Variants in JRK observed in about 807,000 individuals in gnomAD.
JRK encodes the protein jerky protein homolog.
For synonymous variants in JRK, 303 were observed against 218.1 expected (o/e 1.39, Z -3.43); for missense variants, 720 against 509.2 (o/e 1.41, Z -3.98).
In JRK at chr8:142,664,155, A is replaced by C; in HGVS notation, c.*197T>G. On this transcript the variant is annotated 3_prime_UTR_variant, in exon 2 of 2. Transcript: ENST00000612905. Reference sequence around the variant, plus strand: ...GGATGACACGGCAAGTGATAAAATAAAACCTGTATTGACAGGAACCTCGGG... The same window carrying C: ...GGATGACACGGCAAGTGATAAAATACAACCTGTATTGACAGGAACCTCGGG... The C allele has an allele frequency of 1.5e-6, 2 of 1,340,888 alleles. No individual in the cohort carries two copies. The highest frequency in any genetic ancestry group is 1.9e-6 in the Non-Finnish European group (2 of 1,048,746). The allele number at this position is 1,340,888 out of a possible 1,614,324, so 83.1% of individuals were successfully genotyped here. A position where few individuals can be genotyped will look rare whatever the true frequency, so the allele number is the denominator to read the frequency against.
At chr8:142,651,049 C>A in the JRK span, among the ~76,000 whole-genome samples, 84,354 of 151,732 alleles carry the variant, frequency 0.56, 24,578 homozygotes, top group Admixed American at 0.67. Flanking sequence ...TTAGGTCCCC[C>A]GTGCAGCAGA....
chr8:142,653,837 GC>G (rs375794130), downstream of JRK, among the ~76,000 whole-genome samples: 9 of 152,116 alleles, frequency 5.9e-5, no homozygotes, highest in Admixed American at 1.3e-4. Flanking sequence ...CCTAGGCCCT[GC>G]CCACCAAACT....
At position 142,666,377 on chromosome 8, in the gene JRK, TG is replaced by T. The variant is rs1453213925; in HGVS notation, c.-320del. 2 of 467,702 alleles carry T rather than the reference TG, an allele frequency of 4.3e-6. No individual in the cohort carries two copies. The highest frequency in any genetic ancestry group is 4.6e-5 in the East Asian group (1 of 21,902). 29.0% of individuals were successfully genotyped at this position (467,702 alleles called of 1,614,324 possible). ...ACTCCCCTCTGCTGCTCCACACGGC[TG>T]GAACTCCGGCCTTCTCTGTGGATAC... On this transcript the variant is annotated 5_prime_UTR_variant, in exon 2 of 2. Transcript: ENST00000612905.
In JRK at chr8:142,666,027, C is replaced by G; in HGVS notation, c.32G>C (p.Arg11Thr). The G allele has an allele frequency of 6.4e-7, 1 of 1,554,556 alleles. No homozygotes were observed. Among genetic ancestry groups the G allele is most frequent in the Non-Finnish European group, 8.9e-7 (1 of 1,126,892 alleles). ...CACCACCCTCTTCCGCTTCTCCCCT[C>G]TGCTCTTCCCGGCAGCCGGCTTGGA... The part of the protein sequence containing the change: MASKPAAGKS[R>T]GEKRKRVVLT... The change falls in exon 2 of 2, where the codon AGA becomes ACA. Residue 11 changes from arginine (R) to threonine (T), a missense_variant. Arg to Thr is a moderately conservative substitution (Grantham distance 71). Transcript: ENST00000612905.
At position 142,661,108 on chromosome 8, in the gene JRK, G is replaced by A. The variant is rs587596762; in HGVS notation, c.*3244C>T. On this transcript the variant is annotated 3_prime_UTR_variant, in exon 2 of 2. Transcript: ENST00000612905. ...CGCATGCTCAGCCATGGCTGAGCAC[G>A]AATGAAGCATATGGAAGTCACGCAC... The A allele has an allele frequency of 1.8e-4, 177 of 985,492 alleles. No homozygotes were observed. The African/African-American group carries it at 2.5e-3, about 14-fold the overall frequency. The allele number at this position is 985,492 out of a possible 1,614,324, so 61.0% of individuals were successfully genotyped here.
intron 1 of JRK, among the ~76,000 whole-genome samples, chr8:142,667,092 A>C (rs1847151387): frequency 1.3e-5 from 2 of 152,226 alleles, no homozygotes; most frequent in African/African-American, 2.4e-5. Flanking sequence ...ACAGAGCGCC[A>C]AACTGCCTCT....
Position 142,661,865 on chromosome 8 carries a change from G to C in JRK, c.*2487C>G. On this transcript the variant is annotated 3_prime_UTR_variant, in exon 2 of 2. Coordinates refer to ENST00000612905, the MANE Select transcript of JRK (RefSeq NM_003724.4). ...GTCAGGAAGTGAAAACAAAGTGCTCGGAGGACACGGCAGTCTCCATAAAGC... is the reference window on the plus strand; with the variant it reads ...GTCAGGAAGTGAAAACAAAGTGCTCCGAGGACACGGCAGTCTCCATAAAGC... 1.0e-6 allele frequency: 1 copy of C among 985,502 alleles called. No individual in the cohort carries two copies. Among genetic ancestry groups the C allele is most frequent in the Non-Finnish European group, 1.2e-6 (1 of 829,990 alleles). 61.0% of individuals were successfully genotyped at this position (985,502 alleles called of 1,614,324 possible).
In JRK at chr8:142,665,678, C is replaced by T. The variant is rs34800931; in HGVS notation, c.381G>A (p.Glu127=). 0.04 allele frequency: 29,026 copies of T among 729,360 alleles called. 682 individuals are homozygous for T. The highest frequency in any genetic ancestry group is 0.05 in the Non-Finnish European group (19,702 of 391,276). 45.2% of individuals were successfully genotyped at this position (729,360 alleles called of 1,614,324 possible). The change falls in exon 2 of 2, where the codon GAG becomes GAA. Residue 127 remains glutamate (E), a synonymous_variant. Coordinates refer to ENST00000612905, the MANE Select transcript of JRK (RefSeq NM_003724.4). ...GCCACCCTCCGGAGAACACGCAGGG[C>T]TCAGTGAGCTGCATCTGCTCGTAGA... is the stretch of plus-strand genomic sequence containing the variant. The part of the protein sequence containing the change: ...KDFYEQMQLT[E]PCVFSGGWLW...
the JRK span, among the ~76,000 whole-genome samples, chr8:142,649,785 C>T: frequency 0.018 from 2,689 of 152,336 alleles, 33 homozygotes; most frequent in Non-Finnish European, 0.029. Flanking sequence ...CCTCTGCTAG[C>T]ACAGTGTGGA....
chr8:142,661,153 T>C lies in JRK; in HGVS notation c.*3199A>G. On this transcript the variant is annotated 3_prime_UTR_variant, in exon 2 of 2. Coordinates refer to ENST00000612905, the MANE Select transcript of JRK (RefSeq NM_003724.4). Reference sequence around the variant, plus strand: ...ACGCACAGACAGGCCCAGGGCAAGGTCTGCTCTAGACCCTCCTATGCAGGA... The same window carrying C: ...ACGCACAGACAGGCCCAGGGCAAGGCCTGCTCTAGACCCTCCTATGCAGGA... 5 of 985,370 alleles carry C rather than the reference T, an allele frequency of 5.1e-6. No individual in the cohort carries two copies. The highest frequency in any genetic ancestry group is 6.0e-6 in the Non-Finnish European group (5 of 829,930). The allele number at this position is 985,370 out of a possible 1,614,324, so 61.0% of individuals were successfully genotyped here. A position where few individuals can be genotyped will look rare whatever the true frequency, so the allele number is the denominator to read the frequency against.
At chr8:142,666,825 G>A (rs970746577) in intron 1 of JRK, among the ~76,000 whole-genome samples, 3 of 152,190 alleles carry the variant, frequency 2.0e-5, no homozygotes, top group African/African-American at 4.8e-5. Flanking sequence ...CTGGGGAAGC[G>A]CTCAGGCAGA....
rs1846945099 is a variant in JRK, at chr8:142,662,407, C to T, written c.*1945G>A. The T allele has an allele frequency of 1.0e-6, 1 of 985,442 alleles. No homozygotes were observed. Among genetic ancestry groups the T allele is most frequent in the South Asian group, 4.7e-5 (1 of 21,276 alleles). 61.0% of individuals were successfully genotyped at this position (985,442 alleles called of 1,614,324 possible). Reference sequence around the variant, plus strand: ...GTTGCCTCAAGCAGCTGCAATCCAGCAGTCTTGGTTAAGAGGCTCTATTAG... The same window carrying T: ...GTTGCCTCAAGCAGCTGCAATCCAGTAGTCTTGGTTAAGAGGCTCTATTAG... On this transcript the variant is annotated 3_prime_UTR_variant, in exon 2 of 2. Transcript: ENST00000612905.
chr8:142,646,425 A>G, the JRK span, among the ~76,000 whole-genome samples: 3 of 152,202 alleles, frequency 2.0e-5, no homozygotes, highest in African/African-American at 7.2e-5. Context: ...TGCTAAATTC[A>G]AGATGTAGCT....
chr8:142,664,617 T>A lies in JRK; in HGVS notation c.1442A>T (p.Glu481Val). 1.9e-6 allele frequency: 3 copies of A among 1,610,646 alleles called. No individual in the cohort carries two copies. The highest frequency in any genetic ancestry group is 2.5e-6 in the Non-Finnish European group (3 of 1,179,268). ...CTGCTCCCAGGCCACCTCCTCGCCC[T>A]CACCAGGATCTCCTCTGCCGTCCTG... ...ADQDGRGDPGEGEEVAWEQAA... is the reference protein window; with the variant it reads ...ADQDGRGDPGVGEEVAWEQAA... Residue 481 changes from glutamate to valine, a missense_variant, in exon 2 of 2, where the codon GAG becomes GTG. Glu to Val is a moderately radical substitution (Grantham distance 121, BLOSUM62 -2). Coordinates refer to ENST00000612905, the MANE Select transcript of JRK (RefSeq NM_003724.4).
At chr8:142,669,163 AGTGTGTGTGTGTGTGTGTGTGTGT>A (rs59300327) in intron 1 of JRK, among the ~76,000 whole-genome samples, 20 of 136,122 alleles carry the variant, frequency 1.5e-4, no homozygotes, top group Non-Finnish European at 2.8e-4. Flanking sequence ...GCAGGGGCAT[AGTGTGTGTGTGTGTGTGTGTGTGT>A]GTGTGTGTGT....
chr8:142,658,707 C>CT lies in JRK; in HGVS notation c.*5644dup. The CT allele has an allele frequency of 7.2e-7, 1 of 1,384,568 alleles. No individual in the cohort carries two copies. The highest frequency in any genetic ancestry group is 9.5e-7 in the Non-Finnish European group (1 of 1,052,702). 85.8% of individuals were successfully genotyped at this position (1,384,568 alleles called of 1,614,324 possible). A position where few individuals can be genotyped will look rare whatever the true frequency, so the allele number is the denominator to read the frequency against. On this transcript the variant is annotated 3_prime_UTR_variant, in exon 2 of 2. Coordinates refer to ENST00000612905, the MANE Select transcript of JRK (RefSeq NM_003724.4). ...GGGGGTCAGGGTTTCAACATATAAA[C>CT]TTTGGGGGGGGACACAAACATGCAG...
intron 1 of JRK, among the ~76,000 whole-genome samples, chr8:142,669,191 T>TGTGC (rs1847236053): frequency 1.4e-5 from 1 of 72,196 alleles, no homozygotes; most frequent in African/African-American, 5.3e-5. Flanking sequence ...TGTGTGTGTG[T>TGTGC]GTGTGTGTGC....
downstream of JRK, among the ~76,000 whole-genome samples, chr8:142,652,879 T>C (rs955345629): frequency 1.3e-5 from 2 of 152,232 alleles, no homozygotes; most frequent in African/African-American, 4.8e-5. Context: ...ACGTCATTTC[T>C]AGGGTTCCAA....
Position 142,662,330 on chromosome 8 carries a change from C to G in JRK, c.*2022G>C. 1 of 985,642 alleles carries G rather than the reference C, an allele frequency of 1.0e-6. No homozygotes were observed. Among genetic ancestry groups the G allele is most frequent in the Non-Finnish European group, 1.2e-6 (1 of 830,084 alleles). The allele number at this position is 985,642 out of a possible 1,614,324, so 61.1% of individuals were successfully genotyped here. A position where few individuals can be genotyped will look rare whatever the true frequency, so the allele number is the denominator to read the frequency against. ...CCCATGCCCTCCCCAGCTCCACCCA[C>G]CCAGGATGTCCTACTGTTTCAGAGC... On this transcript the variant is annotated 3_prime_UTR_variant, in exon 2 of 2. Transcript: ENST00000612905.
Sources: gnomAD v4.1 joint callset for allele counts (sites outside exome capture counted in the v4.1 genomes callset) on GRCh38, gnomAD v4.1.1 for gene constraint, MANE v1.5 for transcripts, NCBI Gene and HGNC (gene_info 2026-07-23, HGNC 2026-07-21) for gene names.